Variants in NFIB observed in about 807,000 individuals in gnomAD.
The protein encoded by NFIB is nuclear factor I B, also known as nuclear factor 1 B-type.
NFIB carries 11 observed loss-of-function variants against 61.5 expected under a neutral mutation model. The ratio of observed to expected loss-of-function variants is 0.18; its 90% CI spans 0.11 to 0.30. The LOEUF is 0.30. Among genes scored for constraint, NFIB ranks in the 10% least tolerant of loss-of-function variants. NFIB has a pLI of 1.00. For synonymous variants in NFIB, 260 were observed against 216.5 expected, an observed-to-expected ratio of 1.20 and a Z score of -1.76; for missense variants, 471 against 608.9, an observed-to-expected ratio of 0.77 and a Z score of 2.38.
chr9:14,308,340 A>ACT (rs1245045330), intron 1 of NFIB, among the ~76,000 whole-genome samples: 3 of 151,900 alleles, frequency 2.0e-5, no homozygotes, highest in African/African-American at 7.3e-5. Flanking sequence ...ACACACACAC[A>ACT]CACTTGCACT....
At chr9:14,261,398 T>C (rs1254609405) in intron 2 of NFIB, among the ~76,000 whole-genome samples, 6 of 152,322 alleles carry the variant, frequency 3.9e-5, no homozygotes, top group African/African-American at 1.2e-4. Flanking sequence ...AACCTTTTGT[T>C]TGAAGATAAT....
At chr9:14,236,760 T>C (rs2053786154) in intron 2 of NFIB, among the ~76,000 whole-genome samples, 1 of 152,268 alleles carries the variant, frequency 6.6e-6, no homozygotes, top group East Asian at 1.9e-4. Flanking sequence ...AGGAAATGTA[T>C]TGGTTGGCAA....
the NFIB span, among the ~76,000 whole-genome samples, chr9:14,415,875 CCTTACAGATGGAAATTGGCCA>C: frequency 2.4e-4 from 37 of 152,242 alleles, no homozygotes; most frequent in Admixed American, 1.6e-3. Flanking sequence ...TGGTTTGAAG[CCTTACAGATGGAAATTGGCCA>C]CTGAGCCATG....
the NFIB span, among the ~76,000 whole-genome samples, chr9:14,431,243 G>C: frequency 6.6e-6 from 1 of 152,164 alleles, no homozygotes; most frequent in Non-Finnish European, 1.5e-5. Context: ...ATGACACTCA[G>C]TCACAATAAC....
the NFIB span, among the ~76,000 whole-genome samples, chr9:14,433,646 T>G: frequency 3.5e-4 from 54 of 152,216 alleles, no homozygotes; most frequent in Admixed American, 2.9e-3. Context: ...TTGACGAGTC[T>G]GCTCAAAGCA....
intron 10 of NFIB, among the ~76,000 whole-genome samples, chr9:14,107,331 CAAAA>C (rs998325865): frequency 6.9e-5 from 10 of 145,448 alleles, no homozygotes; most frequent in South Asian, 2.2e-4. Context: ...AACAAACAAA[CAAAA>C]AAAAAAGATA....
intron 2 of NFIB, among the ~76,000 whole-genome samples, chr9:14,207,471 C>A (rs1306855934): frequency 6.6e-6 from 1 of 152,152 alleles, no homozygotes; most frequent in Non-Finnish European, 1.5e-5. Context: ...GAGGATGAGA[C>A]CAGAAAACCC....
intron 9 of NFIB, among the ~76,000 whole-genome samples, chr9:14,114,553 T>G (rs1224791337): frequency 1.3e-5 from 2 of 152,200 alleles, no homozygotes; most frequent in African/African-American, 4.8e-5. Context: ...GAGTGGAAAA[T>G]GGACTGATGC....
chr9:14,406,287 T>C, the NFIB span, among the ~76,000 whole-genome samples: 106 of 152,334 alleles, frequency 7.0e-4, 1 homozygote, highest in East Asian at 6.2e-3. Flanking sequence ...CAGTGACTGC[T>C]ATGAGTCTTC....
chr9:14,308,192 G>A (rs34330063), intron 1 of NFIB: 13,928 of 152,156 alleles, frequency 0.092, 1,523 homozygotes, highest in African/African-American at 0.26. Flanking sequence ...TTCCAAAAGT[G>A]GTAACTAGAG....
chr9:14,495,645 G>A, the NFIB span, among the ~76,000 whole-genome samples: 1 of 151,840 alleles, frequency 6.6e-6, no homozygotes, highest in Non-Finnish European at 1.5e-5. Flanking sequence ...CAGGTGCAGT[G>A]TAATTAAAAA....
chr9:14,249,924 C>A (rs1233049238), intron 2 of NFIB, among the ~76,000 whole-genome samples: 1 of 152,068 alleles, frequency 6.6e-6, no homozygotes, highest in South Asian at 2.1e-4. Flanking sequence ...ATCATAAATG[C>A]CAAAGTCTTG....
rs576209494 is a variant in NFIB at position 14,300,127 on chromosome 9, C to T, written c.562+6862G>A. The T allele has an allele frequency of 2.8e-5, 11 of 398,204 alleles. No individual in the cohort carries two copies. The Admixed American group carries it at 3.1e-4, about 11-fold the overall frequency. The allele number at this position is 398,204 out of a possible 1,614,324, so 24.7% of individuals were successfully genotyped here. On this transcript the variant is annotated intron_variant, in intron 2 of 10. Transcript: ENST00000380953. ...AACAACTAAATTCAGTTAAATTAAC[C>T]GCATCACAAAACTGGAGTTCAAGGT...
At chr9:14,380,633 T>C (rs2061476525) in intron 1 of NFIB, among the ~76,000 whole-genome samples, 1 of 152,108 alleles carries the variant, frequency 6.6e-6, no homozygotes, top group Non-Finnish European at 1.5e-5. Flanking sequence ...AAAAAAAATG[T>C]TGTTCTTATC....
the NFIB span, among the ~76,000 whole-genome samples, chr9:14,427,268 A>G: frequency 6.6e-6 from 1 of 152,176 alleles, no homozygotes; most frequent in African/African-American, 2.4e-5. Context: ...AATAATGGTA[A>G]TAATAGTAAT....
At chr9:14,449,857 C>A in the NFIB span, among the ~76,000 whole-genome samples, 1 of 152,008 alleles carries the variant, frequency 6.6e-6, no homozygotes, top group Non-Finnish European at 1.5e-5. Context: ...TCGTTTCAAC[C>A]CAGGAGGTGG....
At position 14,150,268 on chromosome 9, in the gene NFIB, G is replaced by A; in HGVS notation, c.686-3C>T. ...TCCAGTTCCCTGGGTTATGGGCGCT[G>A]AGGAATAAGACAAAGAAGCACTGGG... On this transcript the variant is annotated splice_region_variant and splice_polypyrimidine_tract_variant and intron_variant, in intron 4 of 10. Coordinates refer to ENST00000380953, the MANE Select transcript of NFIB (RefSeq NM_001190737.2). 1.2e-6 allele frequency: 2 copies of A among 1,613,200 alleles called. No individual in the cohort carries two copies. The highest frequency in any genetic ancestry group is 1.3e-5 in the African/African-American group (1 of 74,968).
At chr9:14,463,968 C>T in the NFIB span, among the ~76,000 whole-genome samples, 1 of 152,174 alleles carries the variant, frequency 6.6e-6, no homozygotes, top group African/African-American at 2.4e-5. Flanking sequence ...CCTCTCCCTG[C>T]TTTTCTAAAA....
chr9:14,202,128 TCACACACACA>T (rs3080833), intron 2 of NFIB, among the ~76,000 whole-genome samples: 6 of 147,076 alleles, frequency 4.1e-5, no homozygotes, highest in Non-Finnish European at 6.0e-5. Context: ...TTGATACTTT[TCACACACACA>T]CACACACACA....
Sources: gnomAD v4.1 joint callset for allele counts (sites outside exome capture counted in the v4.1 genomes callset) on GRCh38, gnomAD v4.1.1 for gene constraint, MANE v1.5 for transcripts, NCBI Gene and HGNC (gene_info 2026-07-23, HGNC 2026-07-21) for gene names.